REEP5: variants seen among roughly 807,000 people sequenced by gnomAD.
REEP5 encodes receptor accessory protein 5, also known as receptor expression-enhancing protein 5.
A neutral mutation model predicts 22.4 loss-of-function variants in REEP5; 24 were observed. The observed-to-expected ratio is 1.07, with a 90% CI of 0.78 to 1.51. The LOEUF (loss-of-function observed/expected upper bound fraction) is 1.51, where lower values mean the gene tolerates loss of function less well. REEP5 is among the 40% of genes most tolerant of loss of function. The pLI, the probability that REEP5 is intolerant of heterozygous loss-of-function variation, is 0.00. For synonymous variants in REEP5, 103 were observed against 88.6 expected, an observed-to-expected ratio of 1.16 and a Z score of -0.92; for missense variants, 252 against 233.0, an observed-to-expected ratio of 1.08 and a Z score of -0.53.
At chr5:112,915,896 A>C (rs1182639354) in intron 2 of REEP5, among the ~76,000 whole-genome samples, 3 of 151,424 alleles carry the variant, frequency 2.0e-5, no homozygotes, top group Non-Finnish European at 4.4e-5. Flanking sequence ...AAAAAAAAAA[A>C]ACCCACAAGA....
chr5:112,906,998 G>C (rs1431074453), intron 2 of REEP5, among the ~76,000 whole-genome samples: 1 of 152,160 alleles, frequency 6.6e-6, no homozygotes, highest in African/African-American at 2.4e-5. Flanking sequence ...ATTAGAATAA[G>C]TCAACTCTAA....
intron 4 of REEP5, among the ~76,000 whole-genome samples, chr5:112,881,642 C>T (rs1172265575): frequency 6.6e-6 from 1 of 152,178 alleles, no homozygotes; most frequent in East Asian, 1.9e-4. Context: ...TTCAGAATCT[C>T]ATGTCATCAG....
At chr5:112,912,856 C>T (rs1008264429) in intron 2 of REEP5, among the ~76,000 whole-genome samples, 1 of 152,094 alleles carries the variant, frequency 6.6e-6, no homozygotes, top group Non-Finnish European at 1.5e-5. Flanking sequence ...AACACTAGTT[C>T]GTTTCCATGC....
chr5:112,893,027 G>C (rs1350174571), intron 3 of REEP5: 1 of 1,521,032 alleles, frequency 6.6e-7, no homozygotes, highest in Non-Finnish European at 9.1e-7. Context: ...AGTCGTGGGA[G>C]GAGGAAGTCG....
chr5:112,877,269 CTGAT>C lies in REEP5; in HGVS notation c.*1513_*1516del, dbSNP rs1016502580. ...TCATGAGACATTGTTATGATCTTAC[CTGAT>C]TGTTATCTCAAGGTGAGCTAATCAT... On this transcript the variant is annotated 3_prime_UTR_variant, in exon 5 of 5. Coordinates refer to ENST00000379638, the MANE Select transcript of REEP5 (RefSeq NM_005669.5). 1.3e-5 allele frequency: 2 copies of C among 152,072 alleles called. No homozygotes were observed. The highest frequency in any genetic ancestry group is 2.9e-5 in the Non-Finnish European group (2 of 68,018). 9.4% of individuals were successfully genotyped at this position (152,072 alleles called of 1,614,324 possible).
At position 112,877,536 on chromosome 5, in the gene REEP5, G is replaced by A. The variant is rs1163905469; in HGVS notation, c.*1250C>T. On this transcript the variant is annotated 3_prime_UTR_variant, in exon 5 of 5. Coordinates refer to ENST00000379638, the MANE Select transcript of REEP5 (RefSeq NM_005669.5). ...GTCATGTGCAGCTTATCAACACAAA[G>A]AATACGGATGAGGGCATTTAAATGG... The A allele has an allele frequency of 6.6e-6, 1 of 152,114 alleles. No individual in the cohort carries two copies. Among genetic ancestry groups the A allele is most frequent in the Non-Finnish European group, 1.5e-5 (1 of 68,018 alleles). The allele number at this position is 152,114 out of a possible 1,614,324, so 9.4% of individuals were successfully genotyped here.
chr5:112,902,342 A>C (rs153546), intron 3 of REEP5, 38 bp downstream of exon 3: 541,428 of 1,573,178 alleles, frequency 0.34, 96,692 homozygotes, highest in African/African-American at 0.6. Flanking sequence ...CTATACAGGT[A>C]CTGAGATGGA....
At chr5:112,893,094 T>TTAAAAAAAAAA (rs781185558) in intron 3 of REEP5, 63 of 501,466 alleles carry the variant, frequency 1.3e-4, no homozygotes, top group Admixed American at 1.7e-4. Context: ...GTTTTGTTCT[T>TTAAAAAAAAAA]AAAAAAAAAA....
chr5:112,898,233 G>A (rs1237834343), intron 3 of REEP5: 1 of 152,208 alleles, frequency 6.6e-6, no homozygotes, highest in African/African-American at 2.4e-5. Context: ...CCTCTTCTCA[G>A]TCTGTTCACT....
intron 4 of REEP5, among the ~76,000 whole-genome samples, chr5:112,884,362 A>C (rs1244481394): frequency 1.3e-5 from 2 of 149,278 alleles, no homozygotes; most frequent in African/African-American, 4.9e-5. Flanking sequence ...ATGATTCCCC[A>C]TGGTTCCTTC....
intron 3 of REEP5, chr5:112,891,805 A>G (rs971407980): frequency 3.1e-6 from 5 of 1,602,364 alleles, no homozygotes; most frequent in Non-Finnish European, 3.4e-6. Context: ...GGAAGAGGAC[A>G]CTTTTATTGA....
chr5:112,906,600 C>T (rs943307042), intron 2 of REEP5, among the ~76,000 whole-genome samples: 4 of 152,170 alleles, frequency 2.6e-5, no homozygotes, highest in African/African-American at 9.7e-5. Context: ...CCTGGATTTG[C>T]AGGGGGGAAC....
chr5:112,911,098 G>A (rs183557299), intron 2 of REEP5, among the ~76,000 whole-genome samples: 3 of 152,270 alleles, frequency 2.0e-5, no homozygotes, highest in East Asian at 3.9e-4. Flanking sequence ...TATGAGAGGC[G>A]CACAAATAAA....
chr5:112,897,961 T>C (rs1353459158), intron 3 of REEP5: 2 of 152,168 alleles, frequency 1.3e-5, no homozygotes, highest in Admixed American at 6.6e-5. Context: ...TGGGAGGCTG[T>C]GGCAGGAGAA....
intron 2 of REEP5, among the ~76,000 whole-genome samples, chr5:112,913,641 GT>G (rs2150047640): frequency 6.6e-6 from 1 of 151,208 alleles, no homozygotes; most frequent in African/African-American, 2.4e-5. Flanking sequence ...ATCTTTTGGT[GT>G]TTAATTACAG....
chr5:112,879,335 G>C (rs959168617), intron 4 of REEP5, among the ~76,000 whole-genome samples: 9 of 137,630 alleles, frequency 6.5e-5, no homozygotes, highest in East Asian at 2.1e-4. Flanking sequence ...TGGGGGGGGG[G>C]GCTGGGGGGG....
chr5:112,918,489 C>T (rs1207533804), intron 2 of REEP5, among the ~76,000 whole-genome samples: 1 of 152,134 alleles, frequency 6.6e-6, no homozygotes, highest in African/African-American at 2.4e-5. Context: ...GACACTACTC[C>T]CCTTCTTGTG....
At chr5:112,880,702 T>C (rs555121661) in intron 4 of REEP5, among the ~76,000 whole-genome samples, 59 of 152,338 alleles carry the variant, frequency 3.9e-4, no homozygotes, top group Admixed American at 1.3e-3. Flanking sequence ...CAAAGTAAGA[T>C]TGGATTTTAA....
chr5:112,898,709 C>T (rs910086116), intron 3 of REEP5, among the ~76,000 whole-genome samples: 9 of 152,216 alleles, frequency 5.9e-5, no homozygotes, highest in Middle Eastern at 3.4e-3. Flanking sequence ...GAGGTCCCTA[C>T]GATTAGATGG....
Sources: gnomAD v4.1 joint callset for allele counts (sites outside exome capture counted in the v4.1 genomes callset) on GRCh38, gnomAD v4.1.1 for gene constraint, MANE v1.5 for transcripts, NCBI Gene and HGNC (gene_info 2026-07-23, HGNC 2026-07-21) for gene names.